Variants in KCNQ1 observed in about 807,000 individuals in gnomAD.
The protein encoded by KCNQ1 is potassium voltage-gated channel subfamily Q member 1, also known as potassium voltage-gated channel subfamily KQT member 1.
Under a neutral mutation model 72.4 loss-of-function variants are expected in KCNQ1, and 49 were observed. The observed-to-expected ratio is 0.68, with a 90% CI of 0.54 to 0.86. The LOEUF is 0.86. Among genes scored for constraint, KCNQ1 ranks in the 40% least tolerant of loss-of-function variants. KCNQ1 has a pLI of 0.00. For missense variants in KCNQ1, 790 were observed against 945.1 expected (o/e 0.84, Z 2.15); for synonymous variants, 450 against 412.6 (o/e 1.09, Z -1.10).
intron 10 of KCNQ1, chr11:2,628,454 C>T: frequency 2.5e-6 from 1 of 398,390 alleles, no homozygotes; most frequent in East Asian, 3.6e-5. Context: ...AATGTCTATT[C>T]AGTCCCTTGT....
chr11:2,588,883 G>A lies in KCNQ1; in HGVS notation c.1393+29G>A, dbSNP rs200638235. 2.5e-3 allele frequency: 3,951 copies of A among 1,608,974 alleles called. 10 individuals carry two copies. Among genetic ancestry groups the A allele is most frequent in the Non-Finnish European group, 3.2e-3 (3,792 of 1,179,268 alleles). On this transcript the variant is annotated intron_variant, in intron 10 of 15. Transcript: ENST00000155840. The surrounding 1 kb of genome is among the most constrained non-coding windows in gnomAD (Gnocchi z 5.6). ...AGAACCCCTCAGGCAGTTGGGGGCCGCGGGGCCGGGAAGGTCACTGCCTTT... is the reference window on the plus strand; with the variant it reads ...AGAACCCCTCAGGCAGTTGGGGGCCACGGGGCCGGGAAGGTCACTGCCTTT...
At chr11:2,546,607 C>G (rs952580344) in intron 2 of KCNQ1, among the ~76,000 whole-genome samples, 2 of 151,796 alleles carry the variant, frequency 1.3e-5, no homozygotes, top group East Asian at 3.9e-4. Context: ...GTTCTTTATT[C>G]TTTATTAGTT....
chr11:2,835,536 T>C (rs947967387), intron 15 of KCNQ1, among the ~76,000 whole-genome samples: 3 of 152,182 alleles, frequency 2.0e-5, no homozygotes, highest in African/African-American at 4.8e-5. Flanking sequence ...CAAGTCTTTA[T>C]TGAGCACCTA....
chr11:2,511,719 C>T (rs1372959443), intron 1 of KCNQ1, among the ~76,000 whole-genome samples: 1 of 152,220 alleles, frequency 6.6e-6, no homozygotes, highest in African/African-American at 2.4e-5. Context: ...CCTCCAGGCC[C>T]ATGAGTGACT....
At chr11:2,474,470 C>CT (rs1307315672) in intron 1 of KCNQ1, among the ~76,000 whole-genome samples, 13 of 152,196 alleles carry the variant, frequency 8.5e-5, no homozygotes, top group African/African-American at 3.1e-4. Context: ...ATGATGGGCC[C>CT]TAAGTGGCTG....
intron 11 of KCNQ1, among the ~76,000 whole-genome samples, chr11:2,700,534 G>A (rs906927513): frequency 6.6e-6 from 1 of 151,970 alleles, no homozygotes; most frequent in African/African-American, 2.4e-5. Context: ...CACCGCCGTG[G>A]CACCGGGTGC....
At chr11:2,744,801 T>A (rs1846111749) in intron 11 of KCNQ1, among the ~76,000 whole-genome samples, 1 of 152,258 alleles carries the variant, frequency 6.6e-6, no homozygotes, top group African/African-American at 2.4e-5. Context: ...TTCAGGCCTG[T>A]CGTCGTGTCC....
rs143486048 is a variant in KCNQ1 at position 2,591,761 on chromosome 11, G to A, written c.1393+2907G>A. Reference sequence around the variant, plus strand: ...CGCCTTTTGTGGAATGCTCCTCCACGGAGAAGATTTCTCTTTCCTGCTGGA... The same window carrying A: ...CGCCTTTTGTGGAATGCTCCTCCACAGAGAAGATTTCTCTTTCCTGCTGGA... On this transcript the variant is annotated intron_variant, in intron 10 of 15. Transcript: ENST00000155840. Among the ~76,000 whole-genome samples the A allele has an allele frequency of 1.1e-4, 17 of 152,366 alleles. No individual in the cohort carries two copies. The South Asian group carries it at 1.9e-3, about 17-fold the overall frequency.
At chr11:2,614,812 A>G (rs189670180) in intron 10 of KCNQ1, 87 of 398,498 alleles carry the variant, frequency 2.2e-4, no homozygotes, top group Non-Finnish European at 3.5e-4. Flanking sequence ...AAAAGTTTTG[A>G]AAATGGCAGG....
intron 10 of KCNQ1, chr11:2,618,595 C>T: frequency 2.5e-6 from 1 of 398,498 alleles, no homozygotes; most frequent in Admixed American, 4.4e-5. Flanking sequence ...ACTGTTTGAT[C>T]AATAGTTTTG....
At chr11:2,522,940 T>C (rs550118629) in intron 1 of KCNQ1, among the ~76,000 whole-genome samples, 126 of 152,302 alleles carry the variant, frequency 8.3e-4, no homozygotes, top group Non-Finnish European at 9.4e-4. Flanking sequence ...CCTGGCCACA[T>C]CCTGTATTCT....
At position 2,543,348 on chromosome 11, in the gene KCNQ1, A is replaced by C. The variant is rs542505398; in HGVS notation, c.477+15330A>C. On this transcript the variant is annotated intron_variant, in intron 2 of 15. Coordinates refer to ENST00000155840, the MANE Select transcript of KCNQ1 (RefSeq NM_000218.3). The surrounding 1 kb of genome is among the most constrained non-coding windows in gnomAD (Gnocchi z 5.6). ...GAGTGCAGTGGCGTAAACGTAGCTC[A>C]CTGCAACCTCGAATTCCTGGGCTCC... Among the ~76,000 whole-genome samples the C allele has an allele frequency of 3.3e-5, 5 of 152,118 alleles. No homozygotes were observed. The highest frequency in any genetic ancestry group is 1.2e-4 in the African/African-American group (5 of 41,500).
At chr11:2,777,167 A>T (rs1846723456) in intron 14 of KCNQ1, 135 bp downstream of exon 14, 3 of 873,100 alleles carry the variant, frequency 3.4e-6, no homozygotes, top group East Asian at 5.3e-5. Flanking sequence ...AATGAAAGCC[A>T]GGGAGTAAGG....
chr11:2,719,031 T>C (rs1851155482), intron 11 of KCNQ1, among the ~76,000 whole-genome samples: 1 of 152,208 alleles, frequency 6.6e-6, no homozygotes, highest in Admixed American at 6.5e-5. Context: ...CATCTACGCT[T>C]GTGACCCCCC....
Position 2,477,084 on chromosome 11 carries a change from A to C in KCNQ1, c.386+31600A>C, listed in dbSNP as rs531673676. Among the ~76,000 whole-genome samples, 337 of 152,338 alleles carry C rather than the reference A, an allele frequency of 2.2e-3. 4 individuals are homozygous for C. Among genetic ancestry groups the C allele is most frequent in the African/African-American group, 7.8e-3 (326 of 41,576 alleles). The stretch of plus-strand genomic sequence containing the variant: ...ATTCTTTGGGAAAAAATGTTAAGTC[A>C]AAATTAGGAAGAAGTGGAGACAATC... On this transcript the variant is annotated intron_variant, in intron 1 of 15. Coordinates refer to ENST00000155840, the MANE Select transcript of KCNQ1 (RefSeq NM_000218.3). This position sits in a 1 kb window ranked among gnomAD's most constrained non-coding sequence, Gnocchi z 5.0.
chr11:2,792,502 C>T (rs1847047381), intron 15 of KCNQ1, among the ~76,000 whole-genome samples: 1 of 152,230 alleles, frequency 6.6e-6, no homozygotes, highest in Non-Finnish European at 1.5e-5. Context: ...GAAACTCTCT[C>T]CCTCAGGTCA....
At position 2,538,670 on chromosome 11, in the gene KCNQ1, C is replaced by T. The variant is rs1479106915; in HGVS notation, c.477+10652C>T. Among the ~76,000 whole-genome samples, 3 of 151,786 alleles carry T rather than the reference C, an allele frequency of 2.0e-5. No individual in the cohort carries two copies. Among genetic ancestry groups the T allele is most frequent in the African/African-American group, 4.8e-5 (2 of 41,292 alleles). ...GGAACCGGAAACTTCCCTGAGTATA[C>T]GGGGCCTTGTGTGTGGAGGGGCCCT... On this transcript the variant is annotated intron_variant, in intron 2 of 15. Transcript: ENST00000155840. This position sits in a 1 kb window ranked among gnomAD's most constrained non-coding sequence, Gnocchi z 6.7.
At position 2,515,398 on chromosome 11, in the gene KCNQ1, AGGGCGGAGCCCCTGGCCCAG is replaced by A. The variant is rs140146748; in HGVS notation, c.387-12523_387-12504del. On this transcript the variant is annotated intron_variant, in intron 1 of 15. Transcript: ENST00000155840. The surrounding 1 kb of genome is among the most constrained non-coding windows in gnomAD (Gnocchi z 4.7). The stretch of plus-strand genomic sequence containing the variant: ...CTTTAACGCCTGCCCTGTGTGAGGG[AGGGCGGAGCCCCTGGCCCAG>A]GGGCGGGGAGGCCTGTCCACCCCTC... Among the ~76,000 whole-genome samples, 67,457 of 151,784 alleles carry A rather than the reference AGGGCGGAGCCCCTGGCCCAG, an allele frequency of 0.44. 17,518 individuals are homozygous for A. Among genetic ancestry groups the A allele is most frequent in the Non-Finnish European group, 0.6 (40,478 of 67,840 alleles).
rs979971816 is a variant in KCNQ1, at chr11:2,654,112, A to G, written c.1394-7849A>G. On this transcript the variant is annotated intron_variant, in intron 10 of 15. Coordinates refer to ENST00000155840, the MANE Select transcript of KCNQ1 (RefSeq NM_000218.3). This position sits in a 1 kb window ranked among gnomAD's most constrained non-coding sequence, Gnocchi z 6.4. ...TTACTTCTCGCCTCTGAGTGGAGAC[A>G]CAGGTGGTGGCGGGGCCACTCTGGC... 10 of 398,588 alleles carry G rather than the reference A, an allele frequency of 2.5e-5. No homozygotes were observed. The South Asian group carries it at 1.3e-3, about 51-fold the overall frequency. The allele number at this position is 398,588 out of a possible 1,614,324, so 24.7% of individuals were successfully genotyped here.
Sources: gnomAD v4.1 joint callset for allele counts (sites outside exome capture counted in the v4.1 genomes callset) on GRCh38, gnomAD v4.1.1 for gene constraint, Gnocchi (gnomAD v3.1) non-coding constraint, MANE v1.5 for transcripts, NCBI Gene and HGNC (gene_info 2026-07-23, HGNC 2026-07-21) for gene names.